Variants in RB1CC1 observed in about 807,000 individuals in gnomAD.
RB1CC1 encodes the protein RB1 inducible coiled-coil 1, also known as RB1-inducible coiled-coil protein 1.
RB1CC1 carries 46 observed loss-of-function variants against 177.5 expected under a neutral mutation model. The ratio of observed to expected loss-of-function variants is 0.26; its 90% CI spans 0.20 to 0.33. The LOEUF is 0.33. RB1CC1 is among the 10% of genes least tolerant of loss of function. The pLI is 1.00. For missense variants in RB1CC1, 1,703 were observed against 1,816.3 expected (o/e 0.94, Z 1.13); for synonymous variants, 666 against 613.6 (o/e 1.09, Z -1.26).
At chr8:52,665,964 C>A (rs1438313745) in intron 8 of RB1CC1, among the ~76,000 whole-genome samples, 1 of 152,110 alleles carries the variant, frequency 6.6e-6, no homozygotes. Flanking sequence ...ATCCTTAAAA[C>A]CTATATCCTA....
At chr8:52,653,265 G>A (rs1033323829) in intron 15 of RB1CC1, among the ~76,000 whole-genome samples, 3 of 152,106 alleles carry the variant, frequency 2.0e-5, no homozygotes, top group Non-Finnish European at 4.4e-5. Flanking sequence ...AGAGGGAGAT[G>A]AGAACACTGA....
intron 16 of RB1CC1, 137 bp downstream of exon 16, chr8:52,645,565 A>C: frequency 2.2e-6 from 2 of 924,054 alleles, no homozygotes; most frequent in South Asian, 4.1e-5. Context: ...TGTCAAGAGG[A>C]AATTTATTAA....
chr8:52,668,043 T>C lies in RB1CC1; in HGVS notation c.1151A>G (p.Asn384Ser). The C allele has an allele frequency of 6.2e-7, 1 of 1,613,888 alleles. No individual in the cohort carries two copies. Among genetic ancestry groups the C allele is most frequent in the Non-Finnish European group, 8.5e-7 (1 of 1,179,874 alleles). Residue 384 changes from asparagine (N) to serine (S), a missense_variant, in exon 8 of 24, where the codon AAT (asparagine) becomes AGT (serine). Asn to Ser is a conservative substitution (Grantham distance 46). This residue lies in a region of RB1CC1 where 315 missense variants were observed against 304.9 expected (regional missense o/e 1.03). Coordinates refer to ENST00000025008, the MANE Select transcript of RB1CC1 (RefSeq NM_014781.5). ...TACCTGAGCAAGCTCTTTCTGTTCA[T>C]TCACCAGTCGGCCACAGCTAGCAAT... The part of the protein sequence containing the change: ...QMIASCGRLV[N>S]EQKELAQGFL...
At chr8:52,706,735 CA>C (rs570528978) in intron 1 of RB1CC1, among the ~76,000 whole-genome samples, 1,425 of 106,186 alleles carry the variant, frequency 0.013, 11 homozygotes, top group African/African-American at 0.031. Flanking sequence ...CCCTCTGTTT[CA>C]AAAAAAAAAA....
At chr8:52,668,348 C>A (rs1216988223) in intron 7 of RB1CC1, among the ~76,000 whole-genome samples, 157 bp from the exon 8 acceptor site, 1 of 152,170 alleles carries the variant, frequency 6.6e-6, no homozygotes, top group East Asian at 1.9e-4. Flanking sequence ...ATAAGAAGGT[C>A]AAGTACAGGA....
intron 1 of RB1CC1, among the ~76,000 whole-genome samples, chr8:52,702,371 T>C (rs1563469725): frequency 6.6e-6 from 1 of 152,200 alleles, no homozygotes; most frequent in Non-Finnish European, 1.5e-5. Flanking sequence ...ACTGAATGAA[T>C]CTTCTCCAGA....
chr8:52,639,035 A>C (rs914872352), intron 18 of RB1CC1, among the ~76,000 whole-genome samples: 1 of 152,118 alleles, frequency 6.6e-6, no homozygotes, highest in East Asian at 1.9e-4. Flanking sequence ...CTTTATTTAG[A>C]AATGCTATCA....
In RB1CC1 at chr8:52,704,571, C is replaced by A. The variant is rs1476633684; in HGVS notation, c.-167+9504G>T. Reference sequence around the variant, plus strand: ...ACTTAAGAGGATAAACTTAATAAACCAATGATTTCTTTTAAGAAAACAATC... The same window carrying A: ...ACTTAAGAGGATAAACTTAATAAACAAATGATTTCTTTTAAGAAAACAATC... On this transcript the variant is annotated intron_variant, in intron 1 of 23. Transcript: ENST00000025008. 3.3e-5 allele frequency among the ~76,000 whole-genome samples: 5 copies of A among 151,446 alleles called. No homozygotes were observed. In the East Asian group the frequency reaches 9.7e-4, roughly 29 times the overall value.
At chr8:52,629,271 T>C (rs896013576) in intron 21 of RB1CC1, among the ~76,000 whole-genome samples, 1 of 152,218 alleles carries the variant, frequency 6.6e-6, no homozygotes, top group Non-Finnish European at 1.5e-5. Flanking sequence ...GTCTTAACTT[T>C]CACAACCTTC....
At chr8:52,710,948 A>G (rs1857013387) in intron 1 of RB1CC1, among the ~76,000 whole-genome samples, 1 of 152,206 alleles carries the variant, frequency 6.6e-6, no homozygotes, top group Non-Finnish European at 1.5e-5. Context: ...GTTACTGAAC[A>G]AGTATAATGT....
At chr8:52,666,395 G>C (rs1189984754) in intron 8 of RB1CC1, among the ~76,000 whole-genome samples, 1 of 151,996 alleles carries the variant, frequency 6.6e-6, no homozygotes, top group Non-Finnish European at 1.5e-5. Flanking sequence ...GTGCATGCCT[G>C]TAATCCCAGC....
At chr8:52,697,812 T>C (rs931682129) in intron 1 of RB1CC1, among the ~76,000 whole-genome samples, 2 of 152,230 alleles carry the variant, frequency 1.3e-5, no homozygotes, top group Non-Finnish European at 2.9e-5. Context: ...CAGGTCAGAA[T>C]GTATTTTAAA....
intron 15 of RB1CC1, among the ~76,000 whole-genome samples, chr8:52,653,848 T>C (rs1214503260): frequency 6.6e-6 from 1 of 152,206 alleles, no homozygotes; most frequent in Non-Finnish European, 1.5e-5. Flanking sequence ...TTTCAGATTT[T>C]GGAGCATGTT....
intron 5 of RB1CC1, among the ~76,000 whole-genome samples, chr8:52,680,994 G>GTGT (rs150810028): frequency 0.024 from 3,070 of 128,538 alleles, 81 homozygotes; most frequent in African/African-American, 0.064. Context: ...GTGTGTGTGT[G>GTGT]TTTTTTTTTT....
intron 7 of RB1CC1, among the ~76,000 whole-genome samples, chr8:52,672,356 G>A (rs1591041477): frequency 6.6e-6 from 1 of 152,150 alleles, no homozygotes; most frequent in Non-Finnish European, 1.5e-5. Context: ...AAGACTCCGT[G>A]AAATTTCACA....
At chr8:52,708,759 G>C (rs982301358) in intron 1 of RB1CC1, among the ~76,000 whole-genome samples, 1 of 152,146 alleles carries the variant, frequency 6.6e-6, no homozygotes, top group East Asian at 1.9e-4. Flanking sequence ...TATAAATGAA[G>C]GGGAGAAGAG....
At chr8:52,678,259 A>C (rs1242944300) in intron 5 of RB1CC1, among the ~76,000 whole-genome samples, 1 of 152,136 alleles carries the variant, frequency 6.6e-6, no homozygotes, top group African/African-American at 2.4e-5. Flanking sequence ...TCTACCAAAA[A>C]TACAAAAATT....
chr8:52,633,577 AT>A (rs1459391677), intron 20 of RB1CC1, among the ~76,000 whole-genome samples: 2 of 152,224 alleles, frequency 1.3e-5, no homozygotes, highest in Non-Finnish European at 2.9e-5. Flanking sequence ...ACTACAAGAT[AT>A]TTTTATTTTT....
chr8:52,638,837 C>A (rs895885111), intron 18 of RB1CC1, among the ~76,000 whole-genome samples: 57 of 152,214 alleles, frequency 3.7e-4, no homozygotes, highest in African/African-American at 1.3e-3. Flanking sequence ...AGGAGTCCAT[C>A]CTTTTACCAA....
Sources: allele counts gnomAD v4.1 joint callset (sites outside exome capture counted in the v4.1 genomes callset), GRCh38; gene constraint gnomAD v4.1.1; regional missense constraint gnomAD v4.1.1; transcripts MANE v1.5; gene names NCBI Gene and HGNC (gene_info 2026-07-23, HGNC 2026-07-21).